GREB1: variants seen among roughly 807,000 people sequenced by gnomAD.
GREB1 encodes protein GREB1.
In GREB1, 106 loss-of-function variants were observed where a neutral mutation model predicts 200.7. That is an observed-to-expected ratio of 0.53 (90% CI 0.45 to 0.62). GREB1 has a LOEUF of 0.62. GREB1 is among the 20% of genes least tolerant of loss of function. GREB1 has a pLI of 0.00. For missense variants in GREB1, 2,243 were observed against 2,556.8 expected, an observed-to-expected ratio of 0.88 and a Z score of 2.65; for synonymous variants, 1,132 against 1,092.4, an observed-to-expected ratio of 1.04 and a Z score of -0.72.
At chr2:11,506,327 C>T (rs559647517) in intron 1 of GREB1, among the ~76,000 whole-genome samples, 1 of 152,302 alleles carries the variant, frequency 6.6e-6, no homozygotes, top group East Asian at 1.9e-4. Context: ...AATGGTTTAT[C>T]TGGGGACTGG....
At chr2:11,546,119 G>C (rs1675251707) in intron 1 of GREB1, among the ~76,000 whole-genome samples, 1 of 152,164 alleles carries the variant, frequency 6.6e-6, no homozygotes, top group African/African-American at 2.4e-5. Flanking sequence ...GGAGGTTGCG[G>C]TGAGCTGAGA....
chr2:11,603,552 C>T (rs1009554090), intron 17 of GREB1, among the ~76,000 whole-genome samples: 1 of 152,230 alleles, frequency 6.6e-6, no homozygotes, highest in African/African-American at 2.4e-5. Flanking sequence ...CTCCAGAAGG[C>T]TAGAGATGTG....
At chr2:11,636,385 T>G (rs1446954000) in intron 30 of GREB1, among the ~76,000 whole-genome samples, 1 of 152,176 alleles carries the variant, frequency 6.6e-6, no homozygotes, top group East Asian at 1.9e-4. Flanking sequence ...TTATCTTTAT[T>G]ATTGAAACAT....
At chr2:11,496,702 C>T (rs1170480048) in intron 1 of GREB1, among the ~76,000 whole-genome samples, 1 of 152,104 alleles carries the variant, frequency 6.6e-6, no homozygotes, top group Admixed American at 6.5e-5. Context: ...TTTACATGCA[C>T]TCATAAGAAA....
chr2:11,510,418 G>A (rs1425858835), intron 1 of GREB1, among the ~76,000 whole-genome samples: 1 of 152,186 alleles, frequency 6.6e-6, no homozygotes, highest in Non-Finnish European at 1.5e-5. Context: ...TCACTGCTAA[G>A]ATCCATGATT....
chr2:11,562,984 T>TTTCTTTC (rs1558549666), intron 3 of GREB1: 6 of 129,378 alleles, frequency 4.6e-5, no homozygotes, highest in African/African-American at 2.5e-4. Flanking sequence ...TTCTTTCTTT[T>TTTCTTTC]TTTTTTTTGA....
At chr2:11,495,869 C>T (rs1332111456) in intron 1 of GREB1, among the ~76,000 whole-genome samples, 1 of 151,224 alleles carries the variant, frequency 6.6e-6, no homozygotes, top group African/African-American at 2.5e-5. Flanking sequence ...AGGAAGGGCC[C>T]AGCGTCACTG....
At chr2:11,570,535 T>A (rs1259195736) in intron 4 of GREB1, among the ~76,000 whole-genome samples, 2 of 152,064 alleles carry the variant, frequency 1.3e-5, no homozygotes, top group Admixed American at 6.5e-5. Flanking sequence ...TTTTTTTTTT[T>A]AAAGCAATTG....
chr2:11,623,583 G>A (rs1684181510), intron 23 of GREB1, among the ~76,000 whole-genome samples: 1 of 152,098 alleles, frequency 6.6e-6, no homozygotes, highest in South Asian at 2.1e-4. Flanking sequence ...GTCTGTCTTA[G>A]TTTTAACAAA....
At position 11,618,712 on chromosome 2, in the gene GREB1, G is replaced by GGCCGCCTCCCTCCTGCCCTC; in HGVS notation, c.3838_3857dup (p.Ser1288ProfsTer23). ...CCACTGACAGCAGTGGCCTGCCCAA[G>GGCCGCCTCCCTCCTGCCCTC]GCCGCCTCCCTCCTGCCCTCCCCCT... On this transcript the variant is annotated frameshift_variant, in exon 22 of 33. Coordinates refer to ENST00000381486, the MANE Select transcript of GREB1 (RefSeq NM_014668.4). LOFTEE classifies it high-confidence loss of function. 1 of 1,613,716 alleles carries GGCCGCCTCCCTCCTGCCCTC rather than the reference G, an allele frequency of 6.2e-7. No homozygotes were observed. The highest frequency in any genetic ancestry group is 1.1e-5 in the South Asian group (1 of 91,056).
At chr2:11,530,415 A>C (rs2148489027), upstream of GREB1, among the ~76,000 whole-genome samples, 1 of 152,078 alleles carries the variant, frequency 6.6e-6, no homozygotes, top group East Asian at 1.9e-4. Context: ...GGAAAAAAAA[A>C]AAAAGTAAAA....
Position 11,492,810 on chromosome 2 carries a change from A to G in GREB1, c.-159+10429A>G, listed in dbSNP as rs1336542713. 6.6e-6 allele frequency among the ~76,000 whole-genome samples: 1 copy of G among 152,210 alleles called. No individual in the cohort carries two copies. Among genetic ancestry groups the G allele is most frequent in the East Asian group, 1.9e-4 (1 of 5,200 alleles). On this transcript the variant is annotated intron_variant, in intron 1 of 2. Coordinates refer to the GREB1 transcript ENST00000628795. This position sits in a 1 kb window ranked among gnomAD's most constrained non-coding sequence, Gnocchi z 4.0. ...ACCCCTAGTGCCTGTGGGGCCAGCA[A>G]GAGTCTCCAAGGCAGTTGTGCCAGG...
chr2:11,521,594 C>T (rs1027303593), intron 1 of GREB1, among the ~76,000 whole-genome samples: 2 of 152,204 alleles, frequency 1.3e-5, no homozygotes, highest in South Asian at 4.1e-4. Flanking sequence ...TGTTTCACTT[C>T]TACTCATCTT....
chr2:11,486,618 A>C (rs1672662072), intron 1 of GREB1, among the ~76,000 whole-genome samples: 1 of 152,198 alleles, frequency 6.6e-6, no homozygotes, highest in Non-Finnish European at 1.5e-5. Flanking sequence ...CTATAATCCC[A>C]GCACTTTGGG....
intron 9 of GREB1, chr2:11,588,236 A>T: frequency 1.0e-6 from 1 of 996,718 alleles, no homozygotes; most frequent in Non-Finnish European, 1.2e-6. Flanking sequence ...TCAAAAAAAA[A>T]AAAAGAATGA....
Position 11,538,669 on chromosome 2 carries a change from CTTT to C in GREB1, c.-162+4416_-162+4418del, listed in dbSNP as rs1558510843. 1.1e-3 allele frequency among the ~76,000 whole-genome samples: 107 copies of C among 95,356 alleles called. 8 individuals are homozygous for C. The highest frequency in any genetic ancestry group is 4.2e-3 in the African/African-American group (101 of 24,114). The allele number at this position is 95,356 out of a possible 152,430, so 62.6% of individuals were successfully genotyped here. A position where few individuals can be genotyped will look rare whatever the true frequency, so the allele number is the denominator to read the frequency against. ...TCTTTCTTTCTTTCTTTCTTTCTTT[CTTT>C]CTTTCTTTCTTTCTTTCCTTCCTCC... On this transcript the variant is annotated intron_variant, in intron 1 of 32. Coordinates refer to ENST00000381486, the MANE Select transcript of GREB1 (RefSeq NM_014668.4).
intron 24 of GREB1, among the ~76,000 whole-genome samples, chr2:11,626,489 G>A (rs1308050463): frequency 1.3e-5 from 2 of 152,154 alleles, no homozygotes; most frequent in African/African-American, 2.4e-5. Context: ...TCAGGAGACT[G>A]AGGCAGGAGA....
Position 11,617,875 on chromosome 2 carries a change from C to T in GREB1, c.3413-413C>T, listed in dbSNP as rs145305414. On this transcript the variant is annotated intron_variant, in intron 21 of 32. Coordinates refer to ENST00000381486, the MANE Select transcript of GREB1 (RefSeq NM_014668.4). ...GCCCTTCTTTTCCCCTCACCTCCTG[C>T]GCCTGTGCACAGCAGTGAGCTGGTG... Among the ~76,000 whole-genome samples, 6 of 152,242 alleles carry T rather than the reference C, an allele frequency of 3.9e-5. No individual in the cohort carries two copies. The East Asian group carries it at 7.7e-4, about 20-fold the overall frequency.
At chr2:11,545,062 G>A (rs1298863138) in intron 1 of GREB1, among the ~76,000 whole-genome samples, 2 of 151,788 alleles carry the variant, frequency 1.3e-5, no homozygotes, top group Non-Finnish European at 2.9e-5. Context: ...TGATCCACTC[G>A]CCTCGGCCTC....
Sources: allele counts gnomAD v4.1 joint callset (sites outside exome capture counted in the v4.1 genomes callset), GRCh38; gene constraint gnomAD v4.1.1; non-coding constraint Gnocchi (gnomAD v3.1); transcripts MANE v1.5; gene names NCBI Gene and HGNC (gene_info 2026-07-23, HGNC 2026-07-21).